The following LRRC52 variants were observed in gnomAD, a reference collection of about 807,000 sequenced individuals.
LRRC52 encodes the protein leucine-rich repeat-containing protein 52.
LRRC52 carries 15 observed loss-of-function variants against 14.7 expected under a neutral mutation model. That is an observed-to-expected ratio of 1.02 (90% confidence interval 0.68 to 1.58). The LOEUF (loss-of-function observed/expected upper bound fraction) is 1.58, where lower values mean the gene tolerates loss of function less well. Among genes scored for constraint, LRRC52 ranks in the 40% most tolerant of loss-of-function variants. The pLI is 0.00. For synonymous variants in LRRC52, 180 were observed against 163.9 expected (o/e 1.10, Z -0.75); for missense variants, 400 against 387.7 (o/e 1.03, Z -0.27).
In LRRC52 at chr1:165,544,313, G is replaced by A; in HGVS notation, c.17G>A (p.Gly6Asp). The A allele has an allele frequency of 3.1e-6, 5 of 1,613,804 alleles. No individual in the cohort carries two copies. Among genetic ancestry groups the A allele is most frequent in the Non-Finnish European group, 4.2e-6 (5 of 1,179,926 alleles). MSLAS[G>D]PGPGWLLFSF... is the part of the protein sequence containing the mutation. ...CTTCTTACTATGTCCCTTGCTTCAG[G>A]CCCTGGCCCTGGGTGGTTACTCTTT... The change falls in exon 1 of 2, where the codon GGC becomes GAC. Residue 6 changes from glycine (G) to aspartate (D), a missense_variant. Physicochemically the swap from Gly to Asp is moderately conservative, Grantham distance 94. Coordinates refer to ENST00000294818, the MANE Select transcript of LRRC52 (RefSeq NM_001005214.4).
rs529991653 is a variant in LRRC52 at position 165,544,480 on chromosome 1, G to A, written c.184G>A (p.Glu62Lys). 4.9e-5 allele frequency: 79 copies of A among 1,614,128 alleles called. No homozygotes were observed. The highest frequency in any genetic ancestry group is 4.5e-4 in the South Asian group (41 of 91,078). ...PLNTRRLFLN[E>K]NRITSLPAMH... ...GAACACCCGGAGGCTGTTCCTGAAC[G>A]AGAACAGAATCACTAGTTTGCCAGC... The change falls in exon 1 of 2, where the codon GAG (glutamate) becomes AAG (lysine). Residue 62 changes from glutamate (E) to lysine (K), a missense_variant. Physicochemically the swap from Glu to Lys is moderately conservative, Grantham distance 56. Coordinates refer to ENST00000294818, the MANE Select transcript of LRRC52 (RefSeq NM_001005214.4).
Position 165,544,828 on chromosome 1 carries a change from A to G in LRRC52, c.532A>G (p.Thr178Ala). 5.0e-6 allele frequency: 8 copies of G among 1,613,598 alleles called. No individual in the cohort carries two copies. The highest frequency in any genetic ancestry group is 1.1e-5 in the South Asian group (1 of 91,032). ...CTTATACCACCTCACTACTCTGGAG[A>G]CCCTGTTTCTGAGTGGAAACCCCTG... ...AALYHLTTLE[T>A]LFLSGNPWKC... is the part of the protein sequence containing the mutation. The change falls in exon 1 of 2, where the codon ACC (threonine) becomes GCC (alanine). Residue 178 changes from threonine to alanine, a missense_variant. Physicochemically the swap from Thr to Ala is moderately conservative, Grantham distance 58 (BLOSUM62 0). Coordinates refer to ENST00000294818, the MANE Select transcript of LRRC52 (RefSeq NM_001005214.4).
chr1:165,544,003 C>T lies in LRRC52; in HGVS notation c.-294C>T, dbSNP rs573522048. 43 of 440,568 alleles carry T rather than the reference C, an allele frequency of 9.8e-5. No individual in the cohort carries two copies. Among genetic ancestry groups the T allele is most frequent in the African/African-American group, 7.4e-4 (38 of 51,400 alleles). 27.3% of individuals were successfully genotyped at this position (440,568 alleles called of 1,614,324 possible). On this transcript the variant is annotated 5_prime_UTR_variant, in exon 1 of 2. Coordinates refer to ENST00000294818, the MANE Select transcript of LRRC52 (RefSeq NM_001005214.4). ...GTCATGTGGCTCTCCCCTGGCTCCCCTTCACTTGCAAACGCAGGGAAAGGG... is the reference window on the plus strand; with the variant it reads ...GTCATGTGGCTCTCCCCTGGCTCCCTTTCACTTGCAAACGCAGGGAAAGGG...
At chr1:165,561,185 G>A (rs1661333531) in intron 1 of LRRC52, among the ~76,000 whole-genome samples, 1 of 152,094 alleles carries the variant, frequency 6.6e-6, no homozygotes, top group Non-Finnish European at 1.5e-5. Context: ...TAAAATCACT[G>A]CCTAATTGCT....
intron 1 of LRRC52, among the ~76,000 whole-genome samples, chr1:165,552,529 C>G (rs750582513): frequency 1.9e-4 from 29 of 152,142 alleles, no homozygotes; most frequent in Admixed American, 6.5e-5. Context: ...AGGAAGGAAG[C>G]TCCCGTAGGC....
rs1165907167 is a variant in LRRC52, at chr1:165,544,604, T to G, written c.308T>G (p.Leu103Arg). 6.2e-7 allele frequency: 1 copy of G among 1,613,838 alleles called. No individual in the cohort carries two copies. The highest frequency in any genetic ancestry group is 1.7e-5 in the Admixed American group (1 of 59,984). The change falls in exon 1 of 2, where the codon CTC becomes CGC. Residue 103 changes from leucine (L) to arginine (R), a missense_variant. Coordinates refer to ENST00000294818, the MANE Select transcript of LRRC52 (RefSeq NM_001005214.4). Reference sequence around the variant, plus strand: ...TATACCTTCATCGGGGTCTTCAAACTCATCTACCTTGACCTCAGCTCCAAC... The same window carrying G: ...TATACCTTCATCGGGGTCTTCAAACGCATCTACCTTGACCTCAGCTCCAAC... Reference protein sequence around the residue: ...MDYTFIGVFKLIYLDLSSNNL... With the variant: ...MDYTFIGVFKRIYLDLSSNNL...
In LRRC52 at chr1:165,544,383, T is replaced by C. The variant is rs759275355; in HGVS notation, c.87T>C (p.Asn29=). ...GLVSGSKCPN[N]CLCQAQEVIC... is the part of the protein sequence containing the mutation. ...TATCAGGGTCAAAGTGTCCAAATAA[T>C]TGTCTGTGTCAAGCCCAAGAAGTAA... Residue 29 remains asparagine, a synonymous_variant, in exon 1 of 2, where the codon AAT becomes AAC. Coordinates refer to ENST00000294818, the MANE Select transcript of LRRC52 (RefSeq NM_001005214.4). The C allele has an allele frequency of 1.2e-6, 2 of 1,614,050 alleles. No individual in the cohort carries two copies. Among genetic ancestry groups the C allele is most frequent in the South Asian group, 1.1e-5 (1 of 91,062 alleles).
chr1:165,549,950 TA>T (rs1461545872), intron 1 of LRRC52, among the ~76,000 whole-genome samples: 2 of 39,934 alleles, frequency 5.0e-5, no homozygotes, highest in African/African-American at 1.4e-4. Context: ...AGAGTTAATG[TA>T]GTCATTTTTT....
At position 165,561,711 on chromosome 1, in the gene LRRC52, G is replaced by A. The variant is rs772581888; in HGVS notation, c.623-1794G>A. Among the ~76,000 whole-genome samples the A allele has an allele frequency of 6.6e-5, 10 of 152,308 alleles. No individual in the cohort carries two copies. The South Asian group carries it at 1.2e-3, about 19-fold the overall frequency. ...ACAAACAGTGGATATGACACAGTTC[G>A]TGCACTGGCTTCCCCTCTTGTGTCT... On this transcript the variant is annotated intron_variant, in intron 1 of 1. Coordinates refer to ENST00000294818, the MANE Select transcript of LRRC52 (RefSeq NM_001005214.4).
Position 165,544,621 on chromosome 1 carries a change from A to G in LRRC52, c.325A>G (p.Ser109Gly). The G allele has an allele frequency of 6.2e-7, 1 of 1,613,648 alleles. No individual in the cohort carries two copies. Among genetic ancestry groups the G allele is most frequent in the South Asian group, 1.1e-5 (1 of 91,026 alleles). Residue 109 changes from serine to glycine, a missense_variant, in exon 1 of 2, where the codon AGC (serine) becomes GGC (glycine). Coordinates refer to ENST00000294818, the MANE Select transcript of LRRC52 (RefSeq NM_001005214.4). Reference sequence around the variant, plus strand: ...CTTCAAACTCATCTACCTTGACCTCAGCTCCAACAACCTAACCTCGATCTC... The same window carrying G: ...CTTCAAACTCATCTACCTTGACCTCGGCTCCAACAACCTAACCTCGATCTC... Reference protein sequence around the residue: ...GVFKLIYLDLSSNNLTSISPF... With the variant: ...GVFKLIYLDLGSNNLTSISPF...
chr1:165,554,662 T>C (rs1044926817), intron 1 of LRRC52, among the ~76,000 whole-genome samples: 7 of 152,214 alleles, frequency 4.6e-5, no homozygotes, highest in Non-Finnish European at 1.0e-4. Flanking sequence ...CTGGAACTCC[T>C]GACCTCAAGT....
At position 165,553,236 on chromosome 1, in the gene LRRC52, C is replaced by T. The variant is rs1661170529; in HGVS notation, c.622+8318C>T. Among the ~76,000 whole-genome samples, 2 of 152,162 alleles carry T rather than the reference C, an allele frequency of 1.3e-5. 1 individual carries two copies. The highest frequency in any genetic ancestry group is 4.1e-4 in the South Asian group (2 of 4,824). ...GTAAGAAAGAGCAACTCATGTAGGA[C>T]AGCAGGAGCCCCCAGACAAAGGAAA... On this transcript the variant is annotated intron_variant, in intron 1 of 1. Transcript: ENST00000294818.
At chr1:165,545,070 G>A in intron 1 of LRRC52, 152 bp downstream of exon 1, 2 of 979,794 alleles carry the variant, frequency 2.0e-6, no homozygotes, top group Admixed American at 5.0e-5. Context: ...TGGGTTGACT[G>A]GAGTAGCAGT....
chr1:165,558,346 A>G (rs61800647), intron 1 of LRRC52, among the ~76,000 whole-genome samples: 14,547 of 152,250 alleles, frequency 0.096, 798 homozygotes, highest in African/African-American at 0.12. Flanking sequence ...AATTAATGGA[A>G]GCTCCTGGAG....
Position 165,563,780 on chromosome 1 carries a change from C to G in LRRC52, c.898C>G (p.Gln300Glu). The change falls in exon 2 of 2, where the codon CAA becomes GAA. Residue 300 changes from glutamine to glutamate, a missense_variant. Coordinates refer to ENST00000294818, the MANE Select transcript of LRRC52 (RefSeq NM_001005214.4). ...TRVEVSRRIF[Q>E]TQTSSVQEFP... is the part of the protein sequence containing the mutation. ...GGTGGAAGTCAGCCGGCGGATTTTTCAAACCCAGACGAGCTCGGTCCAGGA... is the reference window on the plus strand; with the variant it reads ...GGTGGAAGTCAGCCGGCGGATTTTTGAAACCCAGACGAGCTCGGTCCAGGA... 6.2e-7 allele frequency: 1 copy of G among 1,614,208 alleles called. No homozygotes were observed. The highest frequency in any genetic ancestry group is 8.5e-7 in the Non-Finnish European group (1 of 1,180,036).
chr1:165,545,546 A>G (rs1661003764), intron 1 of LRRC52, among the ~76,000 whole-genome samples: 1 of 152,006 alleles, frequency 6.6e-6, no homozygotes. Context: ...ATGGAAGGAG[A>G]GAATGGCATG....
chr1:165,561,278 C>T (rs1661335678), intron 1 of LRRC52, among the ~76,000 whole-genome samples: 1 of 152,204 alleles, frequency 6.6e-6, no homozygotes, highest in Non-Finnish European at 1.5e-5. Flanking sequence ...AATTTGAAAG[C>T]CCAATCTTTT....
At chr1:165,546,397 C>T (rs968332835) in intron 1 of LRRC52, among the ~76,000 whole-genome samples, 9 of 152,212 alleles carry the variant, frequency 5.9e-5, no homozygotes, top group African/African-American at 1.4e-4. Context: ...AGGTAGGTTG[C>T]CTTGCCTCTC....
At chr1:165,552,651 C>T (rs1361251938) in intron 1 of LRRC52, among the ~76,000 whole-genome samples, 1 of 152,162 alleles carries the variant, frequency 6.6e-6, no homozygotes, top group Non-Finnish European at 1.5e-5. Context: ...ACTGAACTAG[C>T]TCCTCTCATA....
Sources: allele counts gnomAD v4.1 joint callset (sites outside exome capture counted in the v4.1 genomes callset), GRCh38; gene constraint gnomAD v4.1.1; transcripts MANE v1.5; gene names NCBI Gene and HGNC (gene_info 2026-07-23, HGNC 2026-07-21).